Variants in PPP1R16B observed in about 807,000 individuals in gnomAD.
PPP1R16B encodes protein phosphatase 1 regulatory inhibitor subunit 16B.
In PPP1R16B, 14 loss-of-function variants were observed where a neutral mutation model predicts 61.7. The ratio of observed to expected loss-of-function variants is 0.23; its 90% CI spans 0.15 to 0.35. PPP1R16B has a LOEUF of 0.35. Among genes scored for constraint, PPP1R16B ranks in the 10% least tolerant of loss-of-function variants. The probability of loss-of-function intolerance (pLI) is 1.00; values close to 1 mark genes in which losing one functional copy is unlikely to be tolerated. For missense variants in PPP1R16B, 547 were observed against 752.5 expected (o/e 0.73, Z 3.19); for synonymous variants, 266 against 305.3 (o/e 0.87, Z 1.34).
chr20:38,857,925 A>G (rs1460078735), intron 2 of PPP1R16B, among the ~76,000 whole-genome samples: 1 of 152,012 alleles, frequency 6.6e-6, no homozygotes, highest in African/African-American at 2.4e-5. Context: ...AAAAAAAATT[A>G]TAGACTGGGT....
In PPP1R16B at chr20:38,918,935, G is replaced by A. The variant is rs1238930738; in HGVS notation, c.*269G>A. On this transcript the variant is annotated 3_prime_UTR_variant, in exon 11 of 11. Transcript: ENST00000299824. The surrounding 1 kb of genome is among the most constrained non-coding windows in gnomAD (Gnocchi z 5.3). Reference sequence around the variant, plus strand: ...TCTGCTGTCTGATCTTGGGAGGGTGGGCTTGAGATCCCAGCTCTATTCTTG... The same window carrying A: ...TCTGCTGTCTGATCTTGGGAGGGTGAGCTTGAGATCCCAGCTCTATTCTTG... 2.3e-5 allele frequency: 9 copies of A among 396,966 alleles called. No homozygotes were observed. The East Asian group carries it at 3.2e-4, about 14-fold the overall frequency. 24.6% of individuals were successfully genotyped at this position (396,966 alleles called of 1,614,324 possible). A position where few individuals can be genotyped will look rare whatever the true frequency, so the allele number is the denominator to read the frequency against.
chr20:38,821,654 A>G (rs1324301983), intron 1 of PPP1R16B, among the ~76,000 whole-genome samples: 1 of 152,218 alleles, frequency 6.6e-6, no homozygotes, highest in African/African-American at 2.4e-5. Flanking sequence ...AAAGAGGTGC[A>G]GAGGAAGGTA....
chr20:38,848,201 C>G (rs1286359978), intron 2 of PPP1R16B, among the ~76,000 whole-genome samples: 1 of 152,160 alleles, frequency 6.6e-6, no homozygotes, highest in African/African-American at 2.4e-5. Context: ...AATGTTTCCT[C>G]ATCTAGTGAT....
intron 3 of PPP1R16B, among the ~76,000 whole-genome samples, chr20:38,892,052 T>C (rs1011816611): frequency 6.1e-5 from 9 of 148,092 alleles, no homozygotes; most frequent in Non-Finnish European, 1.2e-4. Flanking sequence ...ACCGTGCAAC[T>C]TGGGGAGGTG....
intron 10 of PPP1R16B, among the ~76,000 whole-genome samples, chr20:38,910,394 C>G (rs1430893598): frequency 6.6e-6 from 1 of 152,190 alleles, no homozygotes; most frequent in Non-Finnish European, 1.5e-5. Flanking sequence ...TTCCCCCACT[C>G]CAAATGTAGT....
intron 2 of PPP1R16B, among the ~76,000 whole-genome samples, chr20:38,861,095 T>G (rs1269946759): frequency 6.6e-6 from 1 of 152,200 alleles, no homozygotes; most frequent in Non-Finnish European, 1.5e-5. Flanking sequence ...ACAGGCAGCA[T>G]GAGTGGAGAA....
chr20:38,917,976 G>A (rs892156785), intron 10 of PPP1R16B, among the ~76,000 whole-genome samples, 181 bp from the exon 11 acceptor site: 4 of 152,098 alleles, frequency 2.6e-5, no homozygotes, highest in African/African-American at 9.7e-5. Flanking sequence ...GCCAGGGGTC[G>A]GTCAACTGTA....
At chr20:38,810,361 C>T (rs1400210325) in intron 1 of PPP1R16B, among the ~76,000 whole-genome samples, 1 of 152,186 alleles carries the variant, frequency 6.6e-6, no homozygotes, top group African/African-American at 2.4e-5. Context: ...CTCACTGACC[C>T]GAGGCAGTCC....
intron 10 of PPP1R16B, among the ~76,000 whole-genome samples, chr20:38,911,774 C>A (rs2085492569): frequency 6.6e-6 from 1 of 151,912 alleles, no homozygotes; most frequent in African/African-American, 2.4e-5. Flanking sequence ...TGACCTCAAA[C>A]GATCCACCCT....
intron 2 of PPP1R16B, among the ~76,000 whole-genome samples, chr20:38,874,504 G>C (rs1341547060): frequency 6.6e-6 from 1 of 152,134 alleles, no homozygotes; most frequent in East Asian, 1.9e-4. Context: ...GAAATGGTGG[G>C]GTCTGAATTC....
chr20:38,893,013 C>T (rs2085302838), intron 3 of PPP1R16B, among the ~76,000 whole-genome samples: 1 of 152,072 alleles, frequency 6.6e-6, no homozygotes, highest in South Asian at 2.1e-4. Context: ...GATTTCAATT[C>T]ATCTTACTCC....
At chr20:38,812,174 AGGTG>A (rs2084705083) in intron 1 of PPP1R16B, among the ~76,000 whole-genome samples, 1 of 152,222 alleles carries the variant, frequency 6.6e-6, no homozygotes, top group South Asian at 2.1e-4. Flanking sequence ...CTTCCCAAGC[AGGTG>A]CTTGGGGGCC....
rs998633651 is a variant in PPP1R16B, at chr20:38,909,792, A to T, written c.1194+1599A>T. On this transcript the variant is annotated intron_variant, in intron 10 of 10. Transcript: ENST00000299824. ...AAGGGGAGGCCACATCAAAGCCACCAGCTGGTGATGGAGAGGGCACGTAGG... is the reference window on the plus strand; with the variant it reads ...AAGGGGAGGCCACATCAAAGCCACCTGCTGGTGATGGAGAGGGCACGTAGG... Among the ~76,000 whole-genome samples the T allele has an allele frequency of 1.3e-5, 2 of 152,184 alleles. 1 individual carries two copies. The highest frequency in any genetic ancestry group is 1.3e-4 in the Admixed American group (2 of 15,280).
chr20:38,853,566 G>A (rs2084983279), intron 2 of PPP1R16B, among the ~76,000 whole-genome samples: 1 of 152,168 alleles, frequency 6.6e-6, no homozygotes, highest in African/African-American at 2.4e-5. Context: ...AAGTAGTAAC[G>A]GCAGTCCTCC....
chr20:38,911,617 A>G (rs2085491150), intron 10 of PPP1R16B, among the ~76,000 whole-genome samples: 1 of 146,466 alleles, frequency 6.8e-6, no homozygotes, highest in African/African-American at 2.5e-5. Context: ...GCTCACTACA[A>G]CCTCTGCCTC....
chr20:38,863,162 G>A (rs1003437952), intron 2 of PPP1R16B, among the ~76,000 whole-genome samples: 1 of 152,178 alleles, frequency 6.6e-6, no homozygotes, highest in African/African-American at 2.4e-5. Flanking sequence ...CTCCCTGGAT[G>A]CAAGTTGCCT....
At chr20:38,908,509 C>T (rs1422162601) in intron 10 of PPP1R16B, among the ~76,000 whole-genome samples, 3 of 152,240 alleles carry the variant, frequency 2.0e-5, no homozygotes, top group African/African-American at 4.8e-5. Context: ...TGCTCCAGCA[C>T]ACCTAGCAGT....
chr20:38,898,478 T>G (rs2085366192), intron 4 of PPP1R16B, among the ~76,000 whole-genome samples: 1 of 152,190 alleles, frequency 6.6e-6, no homozygotes, highest in Admixed American at 6.5e-5. Context: ...TTCCTTGAGA[T>G]TCCCTATGAA....
chr20:38,890,750 C>T (rs1180828883), intron 3 of PPP1R16B, among the ~76,000 whole-genome samples: 1 of 152,224 alleles, frequency 6.6e-6, no homozygotes, highest in Non-Finnish European at 1.5e-5. Context: ...AATGCATGAA[C>T]ACACCAAAGC....
Sources: gnomAD v4.1 joint callset for allele counts (sites outside exome capture counted in the v4.1 genomes callset) on GRCh38, gnomAD v4.1.1 for gene constraint, Gnocchi (gnomAD v3.1) non-coding constraint, MANE v1.5 for transcripts, NCBI Gene and HGNC (gene_info 2026-07-23, HGNC 2026-07-21) for gene names.